The following BRI3BP variants were observed in gnomAD, a reference collection of about 807,000 sequenced individuals.
BRI3BP encodes the protein BRI3-binding protein.
In BRI3BP, 7 loss-of-function variants were observed where a neutral mutation model predicts 15.8. The observed-to-expected ratio is 0.44, with a 90% confidence interval of 0.25 to 0.83. The LOEUF is 0.83. Ranked by LOEUF, BRI3BP falls within the 40% of genes least tolerant of loss-of-function variation. The pLI, the probability that BRI3BP is intolerant of heterozygous loss-of-function variation, is 0.20. For synonymous variants in BRI3BP, 192 were observed against 163.5 expected (o/e 1.17, Z -1.33); for missense variants, 320 against 339.3 (o/e 0.94, Z 0.45).
At chr12:125,008,084 A>C (rs1049823007) in intron 1 of BRI3BP, among the ~76,000 whole-genome samples, 3 of 149,360 alleles carry the variant, frequency 2.0e-5, no homozygotes, top group Admixed American at 1.4e-4. Context: ...GAGAGTCTGC[A>C]TTTCTGGCAA....
chr12:125,019,207 C>T (rs11613364), intron 2 of BRI3BP, among the ~76,000 whole-genome samples: 11,578 of 152,142 alleles, frequency 0.076, 492 homozygotes, highest in Admixed American at 0.11. Context: ...GGAAGTCAGA[C>T]GGTGCCCCTT....
At chr12:125,009,621 G>C (rs1292088041) in intron 1 of BRI3BP, among the ~76,000 whole-genome samples, 1 of 114 alleles carries the variant, frequency 8.8e-3, no homozygotes, top group South Asian at 0.17. Flanking sequence ...ATTAGAGATG[G>C]GGGGGGGGTC....
rs1955394036 is a variant in BRI3BP, at chr12:125,029,910, A to G, written c.*4480A>G. On this transcript the variant is annotated 3_prime_UTR_variant, in exon 3 of 3. Transcript: ENST00000341446. Reference sequence around the variant, plus strand: ...CTCTGGGGAGCTGAGTAAGAACGCAAAGGTTTGGGTCAGTGATTAGGAAGA... The same window carrying G: ...CTCTGGGGAGCTGAGTAAGAACGCAGAGGTTTGGGTCAGTGATTAGGAAGA... The G allele has an allele frequency of 6.6e-6, 1 of 152,164 alleles. No homozygotes were observed. The highest frequency in any genetic ancestry group is 2.4e-5 in the African/African-American group (1 of 41,416). The allele number at this position is 152,164 out of a possible 1,614,324, so 9.4% of individuals were successfully genotyped here. A position where few individuals can be genotyped will look rare whatever the true frequency, so the allele number is the denominator to read the frequency against.
At chr12:125,024,260 C>T (rs749501612) in intron 2 of BRI3BP, among the ~76,000 whole-genome samples, 2 of 31,890 alleles carry the variant, frequency 6.3e-5, no homozygotes, top group Non-Finnish European at 1.0e-4. Context: ...CTCATGAAAC[C>T]CCCCCCCCTC....
chr12:125,010,580 C>T (rs1374178484), intron 1 of BRI3BP, among the ~76,000 whole-genome samples: 5 of 151,864 alleles, frequency 3.3e-5, no homozygotes, highest in Admixed American at 3.3e-4. Context: ...AGATCGAGAC[C>T]ATCCTGGCCA....
chr12:125,024,849 C>A (rs1455682650), intron 2 of BRI3BP, 142 bp from the exon 3 acceptor site: 19 of 701,636 alleles, frequency 2.7e-5, no homozygotes, highest in Non-Finnish European at 4.5e-5. Context: ...TGTGACTATT[C>A]ACAGAGGAAC....
intron 1 of BRI3BP, among the ~76,000 whole-genome samples, chr12:125,001,473 C>T (rs1269574415): frequency 6.6e-6 from 1 of 152,186 alleles, no homozygotes; most frequent in African/African-American, 2.4e-5. Flanking sequence ...GATCCTCCCA[C>T]CTTAACCTCC....
At chr12:125,007,687 T>C (rs1955157134) in intron 1 of BRI3BP, among the ~76,000 whole-genome samples, 1 of 148,946 alleles carries the variant, frequency 6.7e-6, no homozygotes, top group South Asian at 2.1e-4. Context: ...CCCACTGTAC[T>C]CCAGGCTGGG....
intron 1 of BRI3BP, among the ~76,000 whole-genome samples, chr12:125,008,299 C>CTTTTTTTTTT (rs55697100): frequency 1.6e-3 from 161 of 99,918 alleles, no homozygotes; most frequent in East Asian, 2.8e-3. Context: ...CCTCTTCTTT[C>CTTTTTTTTTT]TTTTTTTTTT....
chr12:125,043,547 A>AT, the BRI3BP span, among the ~76,000 whole-genome samples: 4,592 of 145,782 alleles, frequency 0.031, 67 homozygotes, highest in Non-Finnish European at 0.042. Flanking sequence ...ATCTCTGCCA[A>AT]TTTTTTTTTT....
intron 1 of BRI3BP, among the ~76,000 whole-genome samples, chr12:125,006,495 C>A (rs73229596): frequency 0.14 from 21,962 of 152,228 alleles, 1,627 homozygotes; most frequent in Non-Finnish European, 0.16. Flanking sequence ...GCTCCTCAGG[C>A]ACGCCAGCTT....
the BRI3BP span, among the ~76,000 whole-genome samples, chr12:125,043,372 C>T: frequency 0.19 from 28,194 of 152,028 alleles, 2,812 homozygotes; most frequent in Middle Eastern, 0.3. Flanking sequence ...TTGTTTTCCA[C>T]TCCCACAGAA....
At chr12:125,010,452 G>A (rs1457158239) in intron 1 of BRI3BP, among the ~76,000 whole-genome samples, 4 of 152,074 alleles carry the variant, frequency 2.6e-5, no homozygotes, top group African/African-American at 7.2e-5. Context: ...CCTCTGTCCT[G>A]TAGGAACCAT....
At chr12:125,043,596 C>G in the BRI3BP span, among the ~76,000 whole-genome samples, 5 of 151,670 alleles carry the variant, frequency 3.3e-5, no homozygotes, top group Non-Finnish European at 5.9e-5. Flanking sequence ...GGTGGCGCAC[C>G]CTGTAATCCC....
At chr12:125,004,329 C>G (rs894046711) in intron 1 of BRI3BP, among the ~76,000 whole-genome samples, 3 of 152,082 alleles carry the variant, frequency 2.0e-5, no homozygotes, top group Non-Finnish European at 4.4e-5. Context: ...GCCACCATGC[C>G]CAGCTAATTT....
chr12:125,003,703 A>G (rs1265895896), intron 1 of BRI3BP, among the ~76,000 whole-genome samples: 1 of 152,210 alleles, frequency 6.6e-6, no homozygotes, highest in Non-Finnish European at 1.5e-5. Context: ...CTGTAATCCC[A>G]GCACTTTGGG....
At chr12:125,021,524 G>A (rs571964048) in intron 2 of BRI3BP, among the ~76,000 whole-genome samples, 179 of 152,268 alleles carry the variant, frequency 1.2e-3, no homozygotes, top group African/African-American at 3.9e-3. Flanking sequence ...GCAACATAGC[G>A]AGATCCTATC....
rs367895302 is a variant in BRI3BP at position 125,025,038 on chromosome 12, C to T, written c.364C>T (p.Pro122Ser). Reference protein sequence around the residue: ...YFSPASVSSSPARALLLVGVV... With the variant: ...YFSPASVSSSSARALLLVGVV... ...CAGCCCAGCCTCGGTGTCCAGCAGC[C>T]CGGCCCGCGCGCTCCTGCTGGTCGG... The change falls in exon 3 of 3, where the codon CCG becomes TCG. Residue 122 changes from proline to serine, a missense_variant. Transcript: ENST00000341446. 6.5e-5 allele frequency: 105 copies of T among 1,613,306 alleles called. No homozygotes were observed. The highest frequency in any genetic ancestry group is 8.8e-5 in the South Asian group (8 of 91,076).
At chr12:125,000,016 C>CTTTTTTTTTTT (rs66571863) in intron 1 of BRI3BP, among the ~76,000 whole-genome samples, 1 of 40,692 alleles carries the variant, frequency 2.5e-5, no homozygotes, top group African/African-American at 1.0e-4. Flanking sequence ...TTTGGTTTTT[C>CTTTTTTTTTTT]TTTTTTTTTT....
Sources: allele counts gnomAD v4.1 joint callset (sites outside exome capture counted in the v4.1 genomes callset), GRCh38; gene constraint gnomAD v4.1.1; transcripts MANE v1.5; gene names NCBI Gene and HGNC (gene_info 2026-07-23, HGNC 2026-07-21).